NIPBL: variants seen among roughly 807,000 people sequenced by gnomAD.
NIPBL encodes NIPBL cohesin loading factor.
A neutral mutation model predicts 321.8 loss-of-function variants in NIPBL; 19 were observed. That is an observed-to-expected ratio of 0.06 (90% CI 0.04 to 0.09). The LOEUF is 0.09. Ranked by LOEUF, NIPBL falls within the 10% of genes least tolerant of loss-of-function variation. The pLI, the probability that NIPBL is intolerant of heterozygous loss-of-function variation, is 1.00. For missense variants in NIPBL, 2,210 were observed against 3,327.0 expected (o/e 0.66, Z 8.26); for synonymous variants, 1,106 against 1,114.1 (o/e 0.99, Z 0.14).
intron 32 of NIPBL, among the ~76,000 whole-genome samples, chr5:37,028,319 T>G (rs1025149023): frequency 6.6e-6 from 1 of 150,626 alleles, no homozygotes; most frequent in Non-Finnish European, 1.5e-5. Context: ...TTTCTTCTTT[T>G]GTTTTCCATA....
intron 8 of NIPBL, among the ~76,000 whole-genome samples, chr5:36,972,269 A>T (rs1328342797): frequency 6.6e-6 from 1 of 152,018 alleles, no homozygotes; most frequent in Admixed American, 6.6e-5. Context: ...GTATTCTCGG[A>T]TACATCCAGT....
In NIPBL at chr5:37,058,894, A is replaced by G; in HGVS notation, c.7414A>G (p.Met2472Val). Residue 2472 changes from methionine to valine, a missense_variant, in exon 44 of 47, where the codon ATG (methionine) becomes GTG (valine). Met to Val is a conservative substitution (Grantham distance 21). Around this residue, in one of 14 missense-constraint regions of NIPBL, gnomAD observed 79 missense variants for 90.8 expected, o/e 0.87. Coordinates refer to ENST00000282516, the MANE Select transcript of NIPBL (RefSeq NM_133433.4). ...SNLLQSFKES[M>V]VKDKRKERKS... ...ATCAAACGATTTTTTCTTTCAGTCT[A>G]TGGTAAAGGACAAAAGGAAAGAGAG... 4 of 1,613,812 alleles carry G rather than the reference A, an allele frequency of 2.5e-6. No homozygotes were observed. Among genetic ancestry groups the G allele is most frequent in the Non-Finnish European group, 3.4e-6 (4 of 1,179,876 alleles).
chr5:36,966,372 T>C (rs1013245415), intron 6 of NIPBL, among the ~76,000 whole-genome samples: 2 of 152,132 alleles, frequency 1.3e-5, no homozygotes, highest in Non-Finnish European at 2.9e-5. Flanking sequence ...TCCTATCAAG[T>C]AGAAATTAGC....
At position 36,986,068 on chromosome 5, in the gene NIPBL, G is replaced by T. The variant is rs200249421; in HGVS notation, c.2888G>T (p.Arg963Met). 1.2e-6 allele frequency: 2 copies of T among 1,613,912 alleles called. No individual in the cohort carries two copies. The highest frequency in any genetic ancestry group is 1.1e-5 in the South Asian group (1 of 91,076). The change falls in exon 10 of 47, where the codon AGG (arginine) becomes ATG (methionine). Residue 963 changes from arginine to methionine, a missense_variant. Arg to Met is a moderately conservative substitution (Grantham distance 91). Around this residue, in one of 14 missense-constraint regions of NIPBL, gnomAD observed 588 missense variants for 564.1 expected, o/e 1.04. Coordinates refer to ENST00000282516, the MANE Select transcript of NIPBL (RefSeq NM_133433.4). ...LKNFVIPKIK[R>M]DKDGNVTQET... ...AATTTTGTCATTCCGAAAATCAAGA[G>T]GGATAAAGATGGCAATGTTACTCAG...
intron 10 of NIPBL, among the ~76,000 whole-genome samples, chr5:36,989,839 C>CAAA (rs374278669): frequency 6.3e-4 from 46 of 73,376 alleles, no homozygotes; most frequent in African/African-American, 1.9e-3. Context: ...ACTCTGTCTC[C>CAAA]AAAAAAAAAA....
In NIPBL at chr5:36,962,236, A is replaced by T; in HGVS notation, c.572A>T (p.His191Leu). Reference protein sequence around the residue: ...QSPAGYMPYSHPSSYTTHPQM... With the variant: ...QSPAGYMPYSLPSSYTTHPQM... ...CCTGCAGGATACATGCCATATTCCC[A>T]TCCTTCAAGTTACACAACACATCCA... The change falls in exon 6 of 47, where the codon CAT (histidine) becomes CTT (leucine). Residue 191 changes from histidine to leucine, a missense_variant. By Grantham distance (99) the His-to-Leu change is moderately conservative (BLOSUM62 -3). Coordinates refer to ENST00000282516, the MANE Select transcript of NIPBL (RefSeq NM_133433.4). 1 of 1,614,108 alleles carries T rather than the reference A, an allele frequency of 6.2e-7. No individual in the cohort carries two copies. The highest frequency in any genetic ancestry group is 2.2e-5 in the East Asian group (1 of 44,880).
Position 37,003,460 on chromosome 5 carries a change from T to A in NIPBL, c.3855+113T>A, listed in dbSNP as rs887641957. The stretch of plus-strand genomic sequence containing the variant: ...ATTTTCTCAGTTACCTACAGTCAAC[T>A]GTGATCTGAAAGTAGGTGAATAATT... On this transcript the variant is annotated intron_variant, in intron 16 of 46. Coordinates refer to ENST00000282516, the MANE Select transcript of NIPBL (RefSeq NM_133433.4). 9 of 664,772 alleles carry A rather than the reference T, an allele frequency of 1.4e-5. No homozygotes were observed. In the African/African-American group the frequency reaches 1.6e-4, roughly 12 times the overall value. 41.2% of individuals were successfully genotyped at this position (664,772 alleles called of 1,614,324 possible).
At chr5:36,998,570 G>A (rs1746416993) in intron 11 of NIPBL, among the ~76,000 whole-genome samples, 1 of 152,064 alleles carries the variant, frequency 6.6e-6, no homozygotes, top group Non-Finnish European at 1.5e-5. Context: ...CCAACACTTT[G>A]GGAGGCCGAG....
At chr5:37,017,447 TAA>T (rs1172989565) in intron 24 of NIPBL, among the ~76,000 whole-genome samples, 2 of 152,074 alleles carry the variant, frequency 1.3e-5, no homozygotes, top group African/African-American at 2.4e-5. Context: ...AAATTTTATT[TAA>T]GTTTTTAATT....
intron 1 of NIPBL, chr5:36,886,018 TCAG>T: frequency 3.8e-5 from 27 of 718,368 alleles, no homozygotes; most frequent in South Asian, 3.7e-4. Context: ...AGTACTGGTC[TCAG>T]CAGATTGAGG....
chr5:36,985,376 G>T lies in NIPBL; in HGVS notation c.2196G>T (p.Arg732Ser), dbSNP rs1561116342. The T allele has an allele frequency of 1.2e-6, 2 of 1,613,638 alleles. No homozygotes were observed. The highest frequency in any genetic ancestry group is 1.7e-6 in the Non-Finnish European group (2 of 1,179,966). ...CCCCAAAACAGAAGGGTGATGGAAGGCCTGAAACTCCAAAGCAAAAAGGTG... is the reference window on the plus strand; with the variant it reads ...CCCCAAAACAGAAGGGTGATGGAAGTCCTGAAACTCCAAAGCAAAAAGGTG... Reference protein sequence around the residue: ...PETPKQKGDGRPETPKQKGES... With the variant: ...PETPKQKGDGSPETPKQKGES... Residue 732 changes from arginine to serine, a missense_variant, in exon 10 of 47, where the codon AGG (arginine) becomes AGT (serine). Around this residue, in one of 14 missense-constraint regions of NIPBL, gnomAD observed 588 missense variants for 564.1 expected, o/e 1.04. Coordinates refer to ENST00000282516, the MANE Select transcript of NIPBL (RefSeq NM_133433.4).
chr5:36,877,361 T>G (rs1269855458), intron 1 of NIPBL, among the ~76,000 whole-genome samples, 183 bp downstream of exon 1: 3 of 151,784 alleles, frequency 2.0e-5, no homozygotes, highest in African/African-American at 7.3e-5. Flanking sequence ...TTTTGTACCC[T>G]CTCCCGGCCG....
At chr5:36,907,853 A>G (rs1477030457) in intron 1 of NIPBL, among the ~76,000 whole-genome samples, 1 of 152,242 alleles carries the variant, frequency 6.6e-6, no homozygotes, top group African/African-American at 2.4e-5. Context: ...ATGGACAAAG[A>G]ATAATTCACA....
chr5:36,985,985 T>G lies in NIPBL; in HGVS notation c.2805T>G (p.Pro935=). 6.2e-7 allele frequency: 1 copy of G among 1,613,934 alleles called. No individual in the cohort carries two copies. The highest frequency in any genetic ancestry group is 1.1e-5 in the South Asian group (1 of 91,078). ...AAGTAGACACTAATAAAGCACACCCTGACAATAAGGCAGAATTTCCAAGTT... is the reference window on the plus strand; with the variant it reads ...AAGTAGACACTAATAAAGCACACCCGGACAATAAGGCAGAATTTCCAAGTT... The part of the protein sequence containing the change: ...KSKVDTNKAH[P]DNKAEFPSYL... The change falls in exon 10 of 47, where the codon CCT becomes CCG. Residue 935 remains proline, a synonymous_variant. Coordinates refer to ENST00000282516, the MANE Select transcript of NIPBL (RefSeq NM_133433.4).
chr5:36,879,246 G>T (rs1032309355), intron 1 of NIPBL, among the ~76,000 whole-genome samples: 7 of 152,194 alleles, frequency 4.6e-5, no homozygotes, highest in African/African-American at 1.7e-4. Context: ...GTCTTATGCA[G>T]ATGTTTGAAT....
Position 37,059,093 on chromosome 5 carries a change from A to G in NIPBL, c.7613A>G (p.Asn2538Ser), listed in dbSNP as rs747514959. The part of the protein sequence containing the change: ...ENSAPLIEFA[N>S]VSQGILLLLM... ...TCAGCTCCTTTAATCGAATTTGCAA[A>G]TGTGTCCCAGGGTATTTTATTACTT... The change falls in exon 44 of 47, where the codon AAT becomes AGT. Residue 2538 changes from asparagine (N) to serine (S), a missense_variant. This residue lies in a region of NIPBL where 79 missense variants were observed against 90.8 expected (regional missense o/e 0.87). Transcript: ENST00000282516. 4 of 1,614,210 alleles carry G rather than the reference A, an allele frequency of 2.5e-6. No homozygotes were observed. The highest frequency in any genetic ancestry group is 2.7e-5 in the African/African-American group (2 of 75,074).
At chr5:36,998,485 G>A (rs1373987817) in intron 11 of NIPBL, among the ~76,000 whole-genome samples, 5 of 152,172 alleles carry the variant, frequency 3.3e-5, no homozygotes, top group African/African-American at 9.6e-5. Context: ...TAATTAAAAT[G>A]TACAAAGACT....
At chr5:36,879,678 CAGAA>C (rs1468684169) in intron 1 of NIPBL, among the ~76,000 whole-genome samples, 8 of 152,126 alleles carry the variant, frequency 5.3e-5, no homozygotes, top group Admixed American at 5.2e-4. Context: ...AAGGAGAAAT[CAGAA>C]GTGTTCCAGT....
chr5:36,980,001 A>G (rs1363490424), intron 9 of NIPBL, among the ~76,000 whole-genome samples: 2 of 151,738 alleles, frequency 1.3e-5, no homozygotes, highest in African/African-American at 2.4e-5. Context: ...TGATAGTAAC[A>G]AAAACAGAGG....
Sources: gnomAD v4.1 joint callset for allele counts (sites outside exome capture counted in the v4.1 genomes callset) on GRCh38, gnomAD v4.1.1 for gene constraint, gnomAD v4.1.1 regional missense constraint, MANE v1.5 for transcripts, NCBI Gene and HGNC (gene_info 2026-07-23, HGNC 2026-07-21) for gene names.